TLN2: variants seen among roughly 807,000 people sequenced by gnomAD.
TLN2 encodes the protein talin 2.
In TLN2, 118 loss-of-function variants were observed where a neutral mutation model predicts 294.7. The observed-to-expected ratio is 0.40, with a 90% CI of 0.34 to 0.47. The LOEUF is 0.47. Among genes scored for constraint, TLN2 ranks in the 20% least tolerant of loss-of-function variants. The probability of loss-of-function intolerance (pLI) is 0.84; values close to 1 mark genes in which losing one functional copy is unlikely to be tolerated. For missense variants in TLN2, 3,083 were observed against 3,282.2 expected, an observed-to-expected ratio of 0.94 and a Z score of 1.48; for synonymous variants, 1,431 against 1,304.5, an observed-to-expected ratio of 1.10 and a Z score of -2.09.
At chr15:62,439,971 C>T (rs938957620) in intron 1 of TLN2, among the ~76,000 whole-genome samples, 1 of 152,112 alleles carries the variant, frequency 6.6e-6, no homozygotes, top group Non-Finnish European at 1.5e-5. Context: ...GCGATGATAC[C>T]ATGCAAGGCA....
At chr15:62,437,956 C>T (rs934852201) in intron 1 of TLN2, among the ~76,000 whole-genome samples, 8 of 152,140 alleles carry the variant, frequency 5.3e-5, no homozygotes, top group Admixed American at 5.2e-4. Flanking sequence ...AGGAGGAGCA[C>T]CACACATCTA....
At chr15:62,743,835 T>G (rs2061468728) in intron 32 of TLN2, among the ~76,000 whole-genome samples, 1 of 152,110 alleles carries the variant, frequency 6.6e-6, no homozygotes, top group South Asian at 2.1e-4. Flanking sequence ...GCGGCCAGCA[T>G]CACACCCCCG....
At chr15:62,490,237 G>A (rs2038635350) in intron 1 of TLN2, among the ~76,000 whole-genome samples, 1 of 152,158 alleles carries the variant, frequency 6.6e-6, no homozygotes, top group South Asian at 2.1e-4. Context: ...CCCTCCCCTG[G>A]TGTTTATTTT....
chr15:62,609,153 T>TA (rs1567185802), intron 2 of TLN2, among the ~76,000 whole-genome samples: 1 of 152,010 alleles, frequency 6.6e-6, no homozygotes, highest in Admixed American at 6.6e-5. Context: ...TACACAGCCT[T>TA]AAAAAAATAC....
intron 1 of TLN2, among the ~76,000 whole-genome samples, chr15:62,563,159 G>C (rs2043119874): frequency 6.6e-6 from 1 of 152,000 alleles, no homozygotes; most frequent in East Asian, 1.9e-4. Flanking sequence ...TAGTTCTTTA[G>C]GGAATCTCCA....
intron 1 of TLN2, among the ~76,000 whole-genome samples, chr15:62,459,823 A>G (rs1024975434): frequency 6.9e-4 from 105 of 152,252 alleles, no homozygotes; most frequent in African/African-American, 2.2e-3. Flanking sequence ...TGAGGTCCTA[A>G]GCTTTGGGGT....
intron 8 of TLN2, among the ~76,000 whole-genome samples, chr15:62,657,116 T>G (rs2053295431): frequency 7.2e-6 from 1 of 138,806 alleles, no homozygotes; most frequent in South Asian, 2.7e-4. Flanking sequence ...CTTAGGGTGA[T>G]CTGGGGGTCA....
chr15:62,747,950 C>T (rs539425252), intron 32 of TLN2, among the ~76,000 whole-genome samples: 5 of 151,810 alleles, frequency 3.3e-5, no homozygotes, highest in South Asian at 2.1e-4. Flanking sequence ...GAGTAGGCAG[C>T]GGAGGAGGAG....
intron 1 of TLN2, among the ~76,000 whole-genome samples, chr15:62,563,646 G>T (rs1389591829): frequency 6.6e-6 from 1 of 152,094 alleles, no homozygotes; most frequent in Non-Finnish European, 1.5e-5. Flanking sequence ...TTGGGTTCTT[G>T]GTCATGAAAT....
At chr15:62,712,382 T>C (rs917121269) in intron 22 of TLN2, among the ~76,000 whole-genome samples, 1 of 152,190 alleles carries the variant, frequency 6.6e-6, no homozygotes, top group African/African-American at 2.4e-5. Flanking sequence ...AAACCTGAGA[T>C]TTTTCAATAG....
intron 52 of TLN2, among the ~76,000 whole-genome samples, chr15:62,813,948 G>T (rs1567663635): frequency 6.6e-6 from 1 of 151,978 alleles, no homozygotes. Flanking sequence ...CCAAGTAGCT[G>T]GGATTACAGG....
At chr15:62,468,751 A>AAT (rs1390069802) in intron 1 of TLN2, among the ~76,000 whole-genome samples, 5 of 108,186 alleles carry the variant, frequency 4.6e-5, no homozygotes, top group South Asian at 3.9e-4. Context: ...TCTCAAAAAA[A>AAT]AAATAAAAAT....
At chr15:62,672,530 A>G (rs1414406216) in intron 9 of TLN2, among the ~76,000 whole-genome samples, 6 of 152,076 alleles carry the variant, frequency 3.9e-5, no homozygotes, top group African/African-American at 1.2e-4. Flanking sequence ...GGCTGGATGG[A>G]TGGGTTTATT....
chr15:62,805,932 G>A (rs2066248446), intron 51 of TLN2, 147 bp downstream of exon 51: 5 of 869,510 alleles, frequency 5.8e-6, no homozygotes, highest in Admixed American at 3.1e-5. Context: ...GCTTATGCCT[G>A]AAATCCCAAC....
rs866038374 is a variant in TLN2, at chr15:62,403,476, G to T, written c.-238+12791G>T. Among the ~76,000 whole-genome samples, 10 of 152,056 alleles carry T rather than the reference G, an allele frequency of 6.6e-5. No homozygotes were observed. In the South Asian group the frequency reaches 1.9e-3, roughly 28 times the overall value. ...TCAAACTCCTGGGTTCAAGTGATCC[G>T]CCTGCCTTGGCCTCCCGAAGTGTTG... is the stretch of plus-strand genomic sequence containing the variant. On this transcript the variant is annotated intron_variant, in intron 1 of 58. Coordinates refer to ENST00000636159, the MANE Select transcript of TLN2 (RefSeq NM_015059.3).
intron 9 of TLN2, among the ~76,000 whole-genome samples, chr15:62,668,437 ATG>A (rs1266759886): frequency 1.3e-5 from 2 of 152,298 alleles, no homozygotes; most frequent in East Asian, 3.9e-4. Flanking sequence ...GCTCCCCTAA[ATG>A]TGTTAAATTC....
At chr15:62,438,647 C>T (rs2035408321) in intron 1 of TLN2, among the ~76,000 whole-genome samples, 1 of 152,114 alleles carries the variant, frequency 6.6e-6, no homozygotes, top group South Asian at 2.1e-4. Flanking sequence ...TAGGTTCAAG[C>T]CTGAGAATAA....
In TLN2 at chr15:62,722,623, G is replaced by T. The variant is rs893647429; in HGVS notation, c.3126+136G>T. ...TTCTACTTGCATGACTATTAAAGAT[G>T]CCCCTGTGGGTTGGCTTTTGTTGCA... On this transcript the variant is annotated intron_variant, in intron 26 of 58. Transcript: ENST00000636159. The T allele has an allele frequency of 1.4e-5, 16 of 1,165,948 alleles. No individual in the cohort carries two copies. The African/African-American group carries it at 2.4e-4, about 18-fold the overall frequency. The allele number at this position is 1,165,948 out of a possible 1,614,324, so 72.2% of individuals were successfully genotyped here. A position where few individuals can be genotyped will look rare whatever the true frequency, so the allele number is the denominator to read the frequency against.
chr15:62,527,994 G>T (rs1346846690), intron 1 of TLN2, among the ~76,000 whole-genome samples: 4 of 152,096 alleles, frequency 2.6e-5, no homozygotes, highest in African/African-American at 9.7e-5. Flanking sequence ...AAAATCACAT[G>T]AATATATGAC....
Sources: gnomAD v4.1 joint callset for allele counts (sites outside exome capture counted in the v4.1 genomes callset) on GRCh38, gnomAD v4.1.1 for gene constraint, MANE v1.5 for transcripts, NCBI Gene and HGNC (gene_info 2026-07-23, HGNC 2026-07-21) for gene names.